TGFBR3: variants seen among roughly 807,000 people sequenced by gnomAD.
The protein encoded by TGFBR3 is transforming growth factor beta receptor type 3.
A neutral mutation model predicts 87.9 loss-of-function variants in TGFBR3; 46 were observed. That is an observed-to-expected ratio of 0.52 (90% CI 0.41 to 0.67). The LOEUF is 0.67. Ranked by LOEUF, TGFBR3 falls within the 30% of genes least tolerant of loss-of-function variation. The pLI is 0.00. For synonymous variants in TGFBR3, 381 were observed against 391.6 expected, an observed-to-expected ratio of 0.97 and a Z score of 0.32; for missense variants, 866 against 1,041.9, an observed-to-expected ratio of 0.83 and a Z score of 2.32.
chr1:91,804,267 C>T (rs1345484788), intron 2 of TGFBR3, among the ~76,000 whole-genome samples: 2 of 152,178 alleles, frequency 1.3e-5, no homozygotes, highest in African/African-American at 4.8e-5. Context: ...TCCCCACCTT[C>T]AACTGTCACA....
intron 3 of TGFBR3, among the ~76,000 whole-genome samples, chr1:91,781,840 T>C (rs1291484111): frequency 3.3e-5 from 5 of 152,136 alleles, no homozygotes; most frequent in South Asian, 4.1e-4. Context: ...GAGAGCTGAA[T>C]CAAGAAAAAG....
chr1:91,823,059 C>G (rs1354995071), intron 2 of TGFBR3, among the ~76,000 whole-genome samples: 1 of 152,098 alleles, frequency 6.6e-6, no homozygotes, highest in Non-Finnish European at 1.5e-5. Context: ...ACGCATTTTC[C>G]TTCTTCAAGG....
chr1:91,703,758 A>G (rs1671700369), intron 14 of TGFBR3, among the ~76,000 whole-genome samples: 1 of 152,236 alleles, frequency 6.6e-6, no homozygotes, highest in Non-Finnish European at 1.5e-5. Flanking sequence ...TTCAGAAAAT[A>G]GGGTAGGATG....
intron 5 of TGFBR3, among the ~76,000 whole-genome samples, 170 bp from the exon 6 acceptor site, chr1:91,730,143 G>A (rs1480470510): frequency 6.6e-6 from 1 of 152,186 alleles, no homozygotes; most frequent in African/African-American, 2.4e-5. Context: ...AATGCATCCT[G>A]TTATGGTCAC....
At chr1:91,836,066 GGAGAAACCCT>G (rs1237344441) in intron 2 of TGFBR3, among the ~76,000 whole-genome samples, 1 of 151,648 alleles carries the variant, frequency 6.6e-6, no homozygotes, top group Non-Finnish European at 1.5e-5. Context: ...TGACTAACTT[GGAGAAACCCT>G]ATCTCTACTA....
At chr1:91,810,373 T>A (rs527863688) in intron 2 of TGFBR3, among the ~76,000 whole-genome samples, 1 of 152,200 alleles carries the variant, frequency 6.6e-6, no homozygotes, top group Non-Finnish European at 1.5e-5. Context: ...ACTACACTTT[T>A]GTATTGCACC....
intron 2 of TGFBR3, among the ~76,000 whole-genome samples, chr1:91,803,354 A>C (rs1239392136): frequency 6.6e-6 from 1 of 152,180 alleles, no homozygotes; most frequent in East Asian, 1.9e-4. Context: ...TCCTGTATGA[A>C]GGGAAGGAGG....
At chr1:91,869,089 G>C (rs1032537265) in intron 1 of TGFBR3, among the ~76,000 whole-genome samples, 3 of 152,124 alleles carry the variant, frequency 2.0e-5, no homozygotes, top group Admixed American at 2.0e-4. Flanking sequence ...ATGGTCCCTA[G>C]GATGGTCACT....
intron 3 of TGFBR3, among the ~76,000 whole-genome samples, chr1:91,788,902 G>A (rs1336960451): frequency 1.3e-5 from 2 of 152,098 alleles, no homozygotes; most frequent in Non-Finnish European, 2.9e-5. Flanking sequence ...TAAAGCCAAG[G>A]GCAGTTACCA....
At chr1:91,796,368 T>C (rs566809303) in intron 3 of TGFBR3, among the ~76,000 whole-genome samples, 1 of 152,312 alleles carries the variant, frequency 6.6e-6, no homozygotes, top group Non-Finnish European at 1.5e-5. Flanking sequence ...GTAGGATTCA[T>C]GGAGTTACTG....
chr1:91,684,420 G>A (rs192867400), intron 16 of TGFBR3, among the ~76,000 whole-genome samples: 5 of 152,310 alleles, frequency 3.3e-5, no homozygotes, highest in African/African-American at 9.6e-5. Context: ...CTGAGAAACC[G>A]GGGTGGGGGA....
intron 10 of TGFBR3, among the ~76,000 whole-genome samples, chr1:91,718,893 C>T (rs1672267244): frequency 6.6e-6 from 1 of 152,192 alleles, no homozygotes; most frequent in Non-Finnish European, 1.5e-5. Context: ...AGTTCTCCTA[C>T]TTCTGGACGA....
chr1:91,899,774 A>G (rs1679651245), intron 1 of TGFBR3: 1 of 152,120 alleles, frequency 6.6e-6, no homozygotes, highest in Admixed American at 6.6e-5. Context: ...TAACATTTAT[A>G]CAAGAACTCC....
intron 2 of TGFBR3, among the ~76,000 whole-genome samples, chr1:91,809,721 T>C (rs768231825): frequency 6.6e-6 from 1 of 152,180 alleles, no homozygotes; most frequent in East Asian, 1.9e-4. Context: ...GAATGCCAAA[T>C]TATTCAGCTT....
chr1:91,901,794 T>C (rs929110276), intron 1 of TGFBR3, among the ~76,000 whole-genome samples: 3 of 151,406 alleles, frequency 2.0e-5, no homozygotes, highest in Admixed American at 1.3e-4. Context: ...ATACCTCTAG[T>C]CCCAGCTACT....
At chr1:91,705,087 T>C (rs284874) in intron 14 of TGFBR3, among the ~76,000 whole-genome samples, 81,917 of 152,038 alleles carry the variant, frequency 0.54, 22,379 homozygotes, top group South Asian at 0.7. Context: ...AAGCGTCCCA[T>C]TGGTTAGGAA....
At chr1:91,856,731 G>T (rs1344249701) in intron 2 of TGFBR3, among the ~76,000 whole-genome samples, 2 of 152,208 alleles carry the variant, frequency 1.3e-5, no homozygotes, top group Non-Finnish European at 2.9e-5. Context: ...GGGTCCTTCT[G>T]CTCTGATGAC....
intron 16 of TGFBR3, among the ~76,000 whole-genome samples, chr1:91,689,358 G>C (rs1671195727): frequency 6.6e-6 from 1 of 152,100 alleles, no homozygotes; most frequent in African/African-American, 2.4e-5. Flanking sequence ...CTTATAATCA[G>C]TCTGTTTGGT....
At chr1:91,866,714 T>C (rs1460303120) in intron 1 of TGFBR3, 1 of 152,168 alleles carries the variant, frequency 6.6e-6, no homozygotes, top group African/African-American at 2.4e-5. Context: ...AACATGTAAC[T>C]ACACGATATA....
Sources: allele counts gnomAD v4.1 joint callset (sites outside exome capture counted in the v4.1 genomes callset), GRCh38; gene constraint gnomAD v4.1.1; transcripts MANE v1.5; gene names NCBI Gene and HGNC (gene_info 2026-07-23, HGNC 2026-07-21).